Variants in NOL4 observed in about 807,000 individuals in gnomAD.
NOL4 encodes nucleolar protein 4.
In NOL4, 17 loss-of-function variants were observed where a neutral mutation model predicts 75.9. The ratio of observed to expected loss-of-function variants is 0.22; its 90% CI spans 0.15 to 0.34. The LOEUF (loss-of-function observed/expected upper bound fraction) is 0.34. NOL4 is among the 10% of genes least tolerant of loss of function. The probability of loss-of-function intolerance (pLI) is 1.00; values close to 1 mark genes in which losing one functional copy is unlikely to be tolerated. For synonymous variants in NOL4, 292 were observed against 289.9 expected, an observed-to-expected ratio of 1.01 and a Z score of -0.07; for missense variants, 614 against 793.5, an observed-to-expected ratio of 0.77 and a Z score of 2.72.
intron 10 of NOL4, among the ~76,000 whole-genome samples, chr18:33,854,748 T>A (rs2062764967): frequency 6.6e-6 from 1 of 151,544 alleles, no homozygotes; most frequent in Non-Finnish European, 1.5e-5. Context: ...CTGTCATTAT[T>A]TCATTACAAG....
At chr18:33,900,844 C>T (rs1309635613) in intron 9 of NOL4, among the ~76,000 whole-genome samples, 1 of 152,086 alleles carries the variant, frequency 6.6e-6, no homozygotes, top group Non-Finnish European at 1.5e-5. Context: ...GTTTGTGATG[C>T]CATCTTATGG....
intron 6 of NOL4, among the ~76,000 whole-genome samples, chr18:33,999,716 A>G (rs750026657): frequency 2.4e-4 from 37 of 152,070 alleles, no homozygotes; most frequent in Non-Finnish European, 7.4e-5. Context: ...CAGTGGTGCA[A>G]TCTCGGCTCA....
intron 6 of NOL4, among the ~76,000 whole-genome samples, chr18:33,973,428 C>T (rs954126294): frequency 4.6e-5 from 7 of 152,164 alleles, no homozygotes; most frequent in African/African-American, 1.7e-4. Context: ...TTCCAAACTC[C>T]TGTTAATTTT....
intron 1 of NOL4, among the ~76,000 whole-genome samples, chr18:34,149,336 G>A (rs1332075592): frequency 2.6e-5 from 4 of 151,618 alleles, no homozygotes; most frequent in Non-Finnish European, 5.9e-5. Flanking sequence ...AAAGCCTTCA[G>A]AGATAAGGGT....
At chr18:34,138,909 G>A (rs1385990452) in intron 1 of NOL4, among the ~76,000 whole-genome samples, 1 of 152,054 alleles carries the variant, frequency 6.6e-6, no homozygotes, top group Non-Finnish European at 1.5e-5. Flanking sequence ...TTTATCAAAG[G>A]CCTTTTCTGC....
At chr18:34,110,333 C>T (rs2079531329) in intron 2 of NOL4, among the ~76,000 whole-genome samples, 1 of 151,566 alleles carries the variant, frequency 6.6e-6, no homozygotes. Context: ...AGGATTATAC[C>T]CTATAGTCAA....
chr18:33,960,064 G>A (rs2069983001), intron 6 of NOL4, among the ~76,000 whole-genome samples: 1 of 151,914 alleles, frequency 6.6e-6, no homozygotes, highest in Non-Finnish European at 1.5e-5. Context: ...CCCTAAAACT[G>A]CTATTCCACC....
intron 8 of NOL4, among the ~76,000 whole-genome samples, chr18:33,948,595 GC>G (rs530805028): frequency 1.5e-3 from 222 of 152,024 alleles, no homozygotes; most frequent in South Asian, 3.1e-3. Context: ...CAGTCATCCT[GC>G]TAGGTATCAC....
chr18:33,926,127 C>A (rs571745610), intron 9 of NOL4, among the ~76,000 whole-genome samples: 1 of 151,816 alleles, frequency 6.6e-6, no homozygotes. Context: ...TCTGGGAGCC[C>A]GAGGTGGGCA....
chr18:33,945,013 G>C (rs1042192601), intron 8 of NOL4, among the ~76,000 whole-genome samples: 1 of 151,724 alleles, frequency 6.6e-6, no homozygotes, highest in African/African-American at 2.4e-5. Context: ...AGATGTTATA[G>C]GAAAAATGGG....
intron 5 of NOL4, among the ~76,000 whole-genome samples, chr18:34,031,382 G>C (rs991066626): frequency 2.0e-4 from 31 of 152,174 alleles, no homozygotes; most frequent in African/African-American, 6.5e-4. Flanking sequence ...GAAAAGACAT[G>C]TAAAATCCAA....
intron 1 of NOL4, among the ~76,000 whole-genome samples, chr18:34,187,023 A>G (rs1292876665): frequency 6.6e-6 from 1 of 152,158 alleles, no homozygotes; most frequent in African/African-American, 2.4e-5. Context: ...TGATGAATCT[A>G]CCTTGGCAAT....
intron 1 of NOL4, among the ~76,000 whole-genome samples, chr18:34,153,859 C>A (rs2029872951): frequency 6.6e-6 from 1 of 151,974 alleles, no homozygotes; most frequent in Admixed American, 6.6e-5. Context: ...GCCAAGGTTT[C>A]CCAGACATTG....
At chr18:34,205,247 G>A (rs1232543469) in intron 1 of NOL4, among the ~76,000 whole-genome samples, 1 of 152,086 alleles carries the variant, frequency 6.6e-6, no homozygotes, top group African/African-American at 2.4e-5. Flanking sequence ...TGAAGTAATA[G>A]ACAGTTTTCA....
At chr18:33,860,483 T>TA (rs769028770) in intron 10 of NOL4, among the ~76,000 whole-genome samples, 1 of 152,018 alleles carries the variant, frequency 6.6e-6, no homozygotes, top group Non-Finnish European at 1.5e-5. Context: ...ATGTAATAGT[T>TA]ACTTCCTGAG....
At chr18:34,209,692 T>C (rs1247116711) in intron 1 of NOL4, among the ~76,000 whole-genome samples, 1 of 152,158 alleles carries the variant, frequency 6.6e-6, no homozygotes, top group Non-Finnish European at 1.5e-5. Context: ...AACCTAAGAT[T>C]ACTTAATTTA....
intron 10 of NOL4, among the ~76,000 whole-genome samples, chr18:33,858,058 G>T (rs1455821030): frequency 6.6e-6 from 1 of 151,980 alleles, no homozygotes; most frequent in Non-Finnish European, 1.5e-5. Context: ...AACTCAAGAG[G>T]CAAGGAAAAC....
chr18:34,130,686 A>T (rs2080600005), intron 1 of NOL4, among the ~76,000 whole-genome samples: 1 of 152,130 alleles, frequency 6.6e-6, no homozygotes, highest in South Asian at 2.1e-4. Context: ...ACTACACAAA[A>T]CTGTTGTAAG....
At chr18:33,941,741 G>T (rs1026490994) in intron 9 of NOL4, among the ~76,000 whole-genome samples, 6 of 151,850 alleles carry the variant, frequency 4.0e-5, no homozygotes, top group African/African-American at 1.4e-4. Context: ...GGTGAAGTTT[G>T]CACAATTAGA....
Sources: gnomAD v4.1 joint callset for allele counts (sites outside exome capture counted in the v4.1 genomes callset) on GRCh38, gnomAD v4.1.1 for gene constraint, MANE v1.5 for transcripts, NCBI Gene and HGNC (gene_info 2026-07-23, HGNC 2026-07-21) for gene names.